The following GPC5 variants were observed in gnomAD, a reference collection of about 807,000 sequenced individuals.
GPC5 encodes glypican 5.
Under a neutral mutation model 53.9 loss-of-function variants are expected in GPC5, and 47 were observed. The ratio of observed to expected loss-of-function variants is 0.87; its 90% CI spans 0.69 to 1.11. The LOEUF is 1.11. Among genes scored for constraint, GPC5 ranks in the 50% most tolerant of loss-of-function variants. GPC5 has a pLI of 0.00. For synonymous variants in GPC5, 286 were observed against 263.3 expected (o/e 1.09, Z -0.84); for missense variants, 748 against 713.1 (o/e 1.05, Z -0.56).
chr13:92,292,179 C>A (rs1020911147), intron 7 of GPC5, among the ~76,000 whole-genome samples: 1 of 152,198 alleles, frequency 6.6e-6, no homozygotes. Flanking sequence ...ATAATGACTT[C>A]TTTTCCTCTA....
At chr13:92,547,806 T>C (rs1882170182) in intron 7 of GPC5, among the ~76,000 whole-genome samples, 1 of 149,568 alleles carries the variant, frequency 6.7e-6, no homozygotes, top group African/African-American at 2.5e-5. Context: ...GAAAACTTAT[T>C]ATGCCTATTA....
intron 7 of GPC5, among the ~76,000 whole-genome samples, chr13:92,514,218 A>T (rs1880686670): frequency 7.0e-6 from 1 of 143,496 alleles, no homozygotes; most frequent in Admixed American, 7.4e-5. Flanking sequence ...TAAAACACAC[A>T]CTATTTTAAT....
At chr13:92,204,699 C>T (rs2042320241) in intron 7 of GPC5, among the ~76,000 whole-genome samples, 1 of 152,112 alleles carries the variant, frequency 6.6e-6, no homozygotes, top group Non-Finnish European at 1.5e-5. Flanking sequence ...GATACAGATC[C>T]AAAGGAAGAA....
At chr13:92,281,236 A>G (rs1449822082) in intron 7 of GPC5, among the ~76,000 whole-genome samples, 2 of 152,178 alleles carry the variant, frequency 1.3e-5, no homozygotes, top group Non-Finnish European at 2.9e-5. Context: ...CAGTAGGTAA[A>G]CAGAGCAGCC....
chr13:91,969,935 TACA>T (rs1237001388), intron 6 of GPC5, among the ~76,000 whole-genome samples: 1 of 152,168 alleles, frequency 6.6e-6, no homozygotes, highest in African/African-American at 2.4e-5. Context: ...TATAATTTGG[TACA>T]ACGAGTATGG....
chr13:91,499,128 G>A (rs917413652), intron 2 of GPC5, among the ~76,000 whole-genome samples: 7 of 152,148 alleles, frequency 4.6e-5, no homozygotes, highest in Non-Finnish European at 7.4e-5. Flanking sequence ...ACACTGTTAA[G>A]CTATAGTCTG....
intron 7 of GPC5, among the ~76,000 whole-genome samples, chr13:92,863,832 T>G (rs1040135706): frequency 1.3e-4 from 20 of 152,172 alleles, no homozygotes; most frequent in African/African-American, 4.3e-4. Flanking sequence ...TCTGTCTCTG[T>G]GTAATAATAT....
At chr13:92,703,222 C>T (rs930622211) in intron 7 of GPC5, among the ~76,000 whole-genome samples, 67 of 151,598 alleles carry the variant, frequency 4.4e-4, no homozygotes, top group Admixed American at 4.0e-4. Flanking sequence ...ACCTGACATG[C>T]AATAGGGACT....
intron 7 of GPC5, among the ~76,000 whole-genome samples, chr13:92,501,788 A>G (rs986143908): frequency 1.1e-4 from 17 of 152,264 alleles, no homozygotes; most frequent in Admixed American, 4.6e-4. Context: ...TGTGGTGATC[A>G]GGAAAAGAAA....
intron 7 of GPC5, among the ~76,000 whole-genome samples, chr13:92,543,684 C>G (rs1882004772): frequency 6.6e-6 from 1 of 151,792 alleles, no homozygotes; most frequent in Non-Finnish European, 1.5e-5. Context: ...GAGTGCGCAG[C>G]TATAGCTGTG....
intron 7 of GPC5, among the ~76,000 whole-genome samples, chr13:92,569,632 G>A (rs1246108157): frequency 6.6e-6 from 1 of 152,068 alleles, no homozygotes; most frequent in Non-Finnish European, 1.5e-5. Flanking sequence ...GAATGAAAAG[G>A]GAACAGGACA....
intron 7 of GPC5, among the ~76,000 whole-genome samples, chr13:92,659,953 C>A (rs1295666258): frequency 6.6e-6 from 1 of 152,140 alleles, no homozygotes; most frequent in Non-Finnish European, 1.5e-5. Context: ...GAAAGAAAGC[C>A]AAGGAGCCAC....
chr13:92,453,619 T>C (rs1878151270), intron 7 of GPC5, among the ~76,000 whole-genome samples: 1 of 152,218 alleles, frequency 6.6e-6, no homozygotes, highest in Non-Finnish European at 1.5e-5. Flanking sequence ...TCCTAATATA[T>C]TCTGAAAGAA....
intron 2 of GPC5, among the ~76,000 whole-genome samples, chr13:91,582,190 T>C (rs2032389128): frequency 6.6e-6 from 1 of 152,144 alleles, no homozygotes; most frequent in South Asian, 2.1e-4. Flanking sequence ...ATCTTGTCCT[T>C]AGGTGTAAGC....
chr13:92,619,711 T>G (rs1269591083), intron 7 of GPC5, among the ~76,000 whole-genome samples: 1 of 152,048 alleles, frequency 6.6e-6, no homozygotes, highest in Non-Finnish European at 1.5e-5. Flanking sequence ...AGCTGATTGA[T>G]CTTTCATTTG....
intron 6 of GPC5, among the ~76,000 whole-genome samples, chr13:92,085,231 A>C (rs1227525311): frequency 6.6e-6 from 1 of 152,238 alleles, no homozygotes; most frequent in African/African-American, 2.4e-5. Flanking sequence ...TGATAAAGAG[A>C]GAAATTGAGA....
intron 5 of GPC5, among the ~76,000 whole-genome samples, chr13:91,848,006 T>G (rs2038871462): frequency 6.6e-6 from 1 of 152,246 alleles, no homozygotes; most frequent in South Asian, 2.1e-4. Context: ...GGCTCTTGGC[T>G]GTTATTATGT....
intron 7 of GPC5, among the ~76,000 whole-genome samples, chr13:92,440,713 A>AGAAT (rs1680337508): frequency 6.6e-6 from 1 of 152,204 alleles, no homozygotes; most frequent in African/African-American, 2.4e-5. Flanking sequence ...TTACATTCTC[A>AGAAT]GTATATATAA....
At chr13:92,204,258 T>C (rs753689486) in intron 7 of GPC5, among the ~76,000 whole-genome samples, 4 of 152,212 alleles carry the variant, frequency 2.6e-5, no homozygotes, top group Non-Finnish European at 5.9e-5. Context: ...TACATGAACA[T>C]TGACTTGCAT....
Sources: allele counts gnomAD v4.1 joint callset (sites outside exome capture counted in the v4.1 genomes callset), GRCh38; gene constraint gnomAD v4.1.1; transcripts MANE v1.5; gene names NCBI Gene and HGNC (gene_info 2026-07-23, HGNC 2026-07-21).